Variants in TTC7B observed in about 807,000 individuals in gnomAD.
TTC7B encodes the protein tetratricopeptide repeat protein 7B.
TTC7B carries 28 observed loss-of-function variants against 106.8 expected under a neutral mutation model. The ratio of observed to expected loss-of-function variants is 0.26; its 90% confidence interval spans 0.19 to 0.36. The LOEUF is 0.36. Among genes scored for constraint, TTC7B ranks in the 10% least tolerant of loss-of-function variants. TTC7B has a pLI of 1.00. For missense variants in TTC7B, 862 were observed against 1,076.4 expected, an observed-to-expected ratio of 0.80 and a Z score of 2.79; for synonymous variants, 405 against 430.6, an observed-to-expected ratio of 0.94 and a Z score of 0.74.
intron 15 of TTC7B, among the ~76,000 whole-genome samples, chr14:90,630,437 A>G (rs1414375295): frequency 6.6e-6 from 1 of 152,102 alleles, no homozygotes. Context: ...GCAGCCACAC[A>G]TGTTAACAAA....
At chr14:90,681,901 G>GTGTGTGTGCGTT (rs1198824057) in intron 7 of TTC7B, among the ~76,000 whole-genome samples, 3 of 152,134 alleles carry the variant, frequency 2.0e-5, no homozygotes, top group Non-Finnish European at 4.4e-5. Flanking sequence ...GTATGTGTGT[G>GTGTGTGTGCGTT]TGCATGTACA....
chr14:90,586,453 A>G (rs1238547123), intron 18 of TTC7B, among the ~76,000 whole-genome samples: 2 of 152,054 alleles, frequency 1.3e-5, no homozygotes, highest in Non-Finnish European at 2.9e-5. Context: ...TATTTTTAGT[A>G]GAGACGGGGT....
intron 5 of TTC7B, among the ~76,000 whole-genome samples, chr14:90,725,190 G>A (rs1240076678): frequency 1.3e-5 from 2 of 152,194 alleles, no homozygotes; most frequent in African/African-American, 4.8e-5. Flanking sequence ...ACTGCAAGAG[G>A]GAAGATGACC....
At chr14:90,781,729 T>G (rs1052075294) in intron 2 of TTC7B, among the ~76,000 whole-genome samples, 12 of 152,140 alleles carry the variant, frequency 7.9e-5, no homozygotes, top group African/African-American at 2.9e-4. Context: ...AGTTTCTCAC[T>G]GAGCCATTGA....
In TTC7B at chr14:90,808,914, G is replaced by A. The variant is rs538562939; in HGVS notation, c.121+7261C>T. 6.6e-6 allele frequency among the ~76,000 whole-genome samples: 1 copy of A among 152,336 alleles called. No individual in the cohort carries two copies. The highest frequency in any genetic ancestry group is 2.1e-4 in the South Asian group (1 of 4,826). On this transcript the variant is annotated intron_variant, in intron 1 of 19. Transcript: ENST00000328459. This position sits in a 1 kb window ranked among gnomAD's most constrained non-coding sequence, Gnocchi z 4.2. Reference sequence around the variant, plus strand: ...GGCCGGGCAGCTGGGGTGCAGGGATGCTCTGGGTAAGTAAGAGGTGTACCA... The same window carrying A: ...GGCCGGGCAGCTGGGGTGCAGGGATACTCTGGGTAAGTAAGAGGTGTACCA...
rs1889187102 is a variant in TTC7B at position 90,527,981 on chromosome 14, T to A, written c.*13387A>T. The stretch of plus-strand genomic sequence containing the variant: ...GGCGGGTGGATCACTTGGAAGGATG[T>A]CTTGATCCAGAGTAAAGGCTCCATA... On this transcript the variant is annotated 3_prime_UTR_variant, in exon 20 of 20. Transcript: ENST00000328459. The A allele has an allele frequency of 6.6e-6, 1 of 152,002 alleles. No individual in the cohort carries two copies. Among genetic ancestry groups the A allele is most frequent in the Non-Finnish European group, 1.5e-5 (1 of 67,970 alleles). 9.4% of individuals were successfully genotyped at this position (152,002 alleles called of 1,614,324 possible). A position where few individuals can be genotyped will look rare whatever the true frequency, so the allele number is the denominator to read the frequency against.
intron 1 of TTC7B, among the ~76,000 whole-genome samples, chr14:90,797,805 G>T (rs1479458769): frequency 6.6e-6 from 1 of 152,132 alleles, no homozygotes; most frequent in Non-Finnish European, 1.5e-5. Flanking sequence ...CATAGCAAAA[G>T]ATACGAGACA....
At chr14:90,649,989 G>A (rs1330487953) in intron 13 of TTC7B, among the ~76,000 whole-genome samples, 3 of 152,088 alleles carry the variant, frequency 2.0e-5, no homozygotes, top group Non-Finnish European at 4.4e-5. Context: ...GGCATGCTGG[G>A]CTGCTACTGG....
At chr14:90,631,015 T>C (rs1018396462) in intron 15 of TTC7B, among the ~76,000 whole-genome samples, 2 of 152,262 alleles carry the variant, frequency 1.3e-5, no homozygotes, top group South Asian at 4.1e-4. Context: ...TTTGTATTTT[T>C]AGTAGAGACG....
chr14:90,782,448 A>T (rs1163671425), intron 2 of TTC7B, among the ~76,000 whole-genome samples: 1 of 152,062 alleles, frequency 6.6e-6, no homozygotes, highest in African/African-American at 2.4e-5. Context: ...AAAATACAAA[A>T]ATTAGTGGGG....
intron 1 of TTC7B, among the ~76,000 whole-genome samples, chr14:90,814,368 G>A (rs952893222): frequency 6.6e-6 from 1 of 152,166 alleles, no homozygotes; most frequent in Admixed American, 6.5e-5. Flanking sequence ...CATCTGTTTT[G>A]TTTCAATCAC....
At chr14:90,588,040 TG>T (rs1223664447) in intron 18 of TTC7B, among the ~76,000 whole-genome samples, 4 of 152,360 alleles carry the variant, frequency 2.6e-5, no homozygotes, top group African/African-American at 9.6e-5. Context: ...AAACGTTAGC[TG>T]GACGGGCTTG....
intron 5 of TTC7B, among the ~76,000 whole-genome samples, chr14:90,713,359 G>A (rs1332032290): frequency 2.0e-5 from 3 of 152,084 alleles, no homozygotes; most frequent in Admixed American, 6.6e-5. Flanking sequence ...CAGGTGATCC[G>A]CTCACCTCAG....
rs569077707 is a variant in TTC7B, at chr14:90,670,346, G to A, written c.1152+6177C>T. Among the ~76,000 whole-genome samples the A allele has an allele frequency of 1.6e-4, 25 of 152,244 alleles. No homozygotes were observed. The Middle Eastern group carries it at 0.01, about 62-fold the overall frequency. On this transcript the variant is annotated intron_variant, in intron 9 of 19. Transcript: ENST00000328459. The stretch of plus-strand genomic sequence containing the variant: ...TTAGATTAGAGTTTACTAGGGTATC[G>A]GGAAGGAGAGAATGAAAAGTTATTG...
rs77423167 is a variant in TTC7B at position 90,777,610 on chromosome 14, G to A, written c.445+3128C>T. Among the ~76,000 whole-genome samples the A allele has an allele frequency of 9.4e-3, 1,425 of 152,300 alleles. 16 individuals carry two copies. Among genetic ancestry groups the A allele is most frequent in the African/African-American group, 0.032 (1,340 of 41,550 alleles). On this transcript the variant is annotated intron_variant, in intron 3 of 19. Coordinates refer to ENST00000328459, the MANE Select transcript of TTC7B (RefSeq NM_001010854.2). ...GTGCAGGTCAATTGCACTGCCTAGA[G>A]CAGTGTGCACATAGCCTAGGGGAGG...
intron 17 of TTC7B, among the ~76,000 whole-genome samples, chr14:90,595,281 C>T (rs1266182129): frequency 2.0e-5 from 3 of 151,942 alleles, no homozygotes; most frequent in African/African-American, 7.3e-5. Context: ...TGCAGTGAGC[C>T]GAGGTCGCTC....
intron 18 of TTC7B, among the ~76,000 whole-genome samples, chr14:90,579,855 T>C (rs145917757): frequency 1.3e-3 from 195 of 152,312 alleles, no homozygotes; most frequent in African/African-American, 4.5e-3. Flanking sequence ...AGTTTTACTA[T>C]TTTCTTTGTG....
chr14:90,711,341 T>G (rs544987332), intron 5 of TTC7B, among the ~76,000 whole-genome samples: 2 of 152,356 alleles, frequency 1.3e-5, no homozygotes, highest in East Asian at 3.9e-4. Context: ...GGAGCAAAGT[T>G]GCTAGTACTG....
Position 90,564,868 on chromosome 14 carries a change from G to A in TTC7B, c.2310+13238C>T, listed in dbSNP as rs565720816. Among the ~76,000 whole-genome samples, 20 of 152,298 alleles carry A rather than the reference G, an allele frequency of 1.3e-4. No homozygotes were observed. The South Asian group carries it at 3.3e-3, about 25-fold the overall frequency. ...CAAGGCTGCAGTGAGCTATGACTGCGCTGCTGCACTCCAGCTTGGGAGGCA... is the reference window on the plus strand; with the variant it reads ...CAAGGCTGCAGTGAGCTATGACTGCACTGCTGCACTCCAGCTTGGGAGGCA... On this transcript the variant is annotated intron_variant, in intron 19 of 19. Transcript: ENST00000328459.
Sources: gnomAD v4.1 joint callset for allele counts (sites outside exome capture counted in the v4.1 genomes callset) on GRCh38, gnomAD v4.1.1 for gene constraint, Gnocchi (gnomAD v3.1) non-coding constraint, MANE v1.5 for transcripts, NCBI Gene and HGNC (gene_info 2026-07-23, HGNC 2026-07-21) for gene names.